The following DENND5B variants were observed in gnomAD, a reference collection of about 807,000 sequenced individuals.
The protein encoded by DENND5B is DENN domain-containing protein 5B.
A neutral mutation model predicts 140.6 loss-of-function variants in DENND5B; 34 were observed. The observed-to-expected ratio is 0.24, with a 90% CI of 0.18 to 0.32. The LOEUF is 0.32. DENND5B is among the 10% of genes least tolerant of loss of function. The pLI is 1.00. For missense variants in DENND5B, 1,142 were observed against 1,560.2 expected, an observed-to-expected ratio of 0.73 and a Z score of 4.52; for synonymous variants, 551 against 562.1, an observed-to-expected ratio of 0.98 and a Z score of 0.28.
intron 8 of DENND5B, among the ~76,000 whole-genome samples, chr12:31,430,671 A>G (rs1026229363): frequency 6.6e-5 from 10 of 152,070 alleles, no homozygotes; most frequent in Non-Finnish European, 7.4e-5. Flanking sequence ...AAAACAAACA[A>G]AAAATTAAGC....
chr12:31,467,218 G>T (rs554580243), intron 3 of DENND5B, among the ~76,000 whole-genome samples: 6 of 151,598 alleles, frequency 4.0e-5, no homozygotes, highest in African/African-American at 1.4e-4. Flanking sequence ...GACAAAATAA[G>T]ATCTAATAGA....
chr12:31,508,831 G>A (rs1947302673), intron 1 of DENND5B, among the ~76,000 whole-genome samples: 1 of 152,142 alleles, frequency 6.6e-6, no homozygotes, highest in African/African-American at 2.4e-5. Flanking sequence ...TATATCAGGA[G>A]GAGAACAATG....
rs754987570 is a variant in DENND5B, at chr12:31,426,338, G to A, written c.2193C>T (p.Thr731=). The change falls in exon 9 of 21, where the codon ACC becomes ACT. Residue 731 remains threonine (T), a synonymous_variant. Transcript: ENST00000389082. ...SDLSPAVIAQ[T]NCKFVEGLLK... is the part of the protein sequence containing the mutation. ...ATAAGCCTTCTACGAATTTACAGTT[G>A]GTCTGTGCAATAACTGCAGGAGAGA... The A allele has an allele frequency of 6.2e-7, 1 of 1,611,016 alleles. No homozygotes were observed. Among genetic ancestry groups the A allele is most frequent in the Non-Finnish European group, 8.5e-7 (1 of 1,178,536 alleles).
chr12:31,538,175 C>T (rs1948567513), intron 1 of DENND5B, among the ~76,000 whole-genome samples: 1 of 152,166 alleles, frequency 6.6e-6, no homozygotes, highest in African/African-American at 2.4e-5. Flanking sequence ...CTAATAGATA[C>T]ATACATAACA....
chr12:31,579,980 T>A (rs181087823), intron 1 of DENND5B, among the ~76,000 whole-genome samples: 70 of 147,634 alleles, frequency 4.7e-4, no homozygotes, highest in South Asian at 1.5e-3. Flanking sequence ...TATAAAAAAA[T>A]ATATATATAG....
chr12:31,521,649 G>T (rs957049318), intron 1 of DENND5B, among the ~76,000 whole-genome samples: 1 of 152,044 alleles, frequency 6.6e-6, no homozygotes, highest in African/African-American at 2.4e-5. Context: ...TATATCTAGC[G>T]TCAACAAAGA....
intron 11 of DENND5B, 143 bp downstream of exon 11, chr12:31,423,454 T>C (rs1943113454): frequency 3.9e-6 from 3 of 767,662 alleles, no homozygotes; most frequent in Non-Finnish European, 6.2e-6. Context: ...AGTTAGTAAG[T>C]AATATTGCTC....
At chr12:31,582,015 G>A (rs1038195296) in intron 1 of DENND5B, among the ~76,000 whole-genome samples, 2 of 152,080 alleles carry the variant, frequency 1.3e-5, no homozygotes, top group African/African-American at 4.8e-5. Flanking sequence ...ACAATAGCGA[G>A]AACAAAAAAC....
At chr12:31,484,969 C>G (rs66520413) in intron 2 of DENND5B, among the ~76,000 whole-genome samples, 1 of 152,060 alleles carries the variant, frequency 6.6e-6, no homozygotes, top group East Asian at 1.9e-4. Context: ...GTGGCTGAAC[C>G]AAGAAGAAGC....
At chr12:31,433,303 T>C (rs1353028950) in intron 7 of DENND5B, 55 bp from the exon 8 acceptor site, 1 of 1,495,276 alleles carries the variant, frequency 6.7e-7, no homozygotes, top group Admixed American at 2.0e-5. Flanking sequence ...ATAGAAAGCA[T>C]TAACCATTCA....
At chr12:31,468,954 G>C (rs973510) in intron 3 of DENND5B, among the ~76,000 whole-genome samples, 2 of 152,010 alleles carry the variant, frequency 1.3e-5, no homozygotes, top group African/African-American at 2.4e-5. Context: ...AGAAAACAAG[G>C]AAATATTAAG....
intron 3 of DENND5B, among the ~76,000 whole-genome samples, chr12:31,477,027 G>T (rs1481190961): frequency 1.3e-5 from 2 of 152,020 alleles, no homozygotes; most frequent in Admixed American, 1.3e-4. Flanking sequence ...AGGAGTTCAA[G>T]ACCAGCCTGA....
chr12:31,568,134 A>G (rs1949693082), intron 1 of DENND5B, among the ~76,000 whole-genome samples: 1 of 152,222 alleles, frequency 6.6e-6, no homozygotes, highest in Non-Finnish European at 1.5e-5. Flanking sequence ...TAATGACACC[A>G]CAAGTGGAAA....
At chr12:31,419,434 G>A (rs1300078080) in intron 11 of DENND5B, among the ~76,000 whole-genome samples, 2 of 146,216 alleles carry the variant, frequency 1.4e-5, no homozygotes, top group African/African-American at 2.5e-5. Context: ...AAGAGCGAGC[G>A]AAACTCCATC....
chr12:31,533,923 T>C (rs1383087949), intron 1 of DENND5B, among the ~76,000 whole-genome samples: 1 of 151,806 alleles, frequency 6.6e-6, no homozygotes, highest in Non-Finnish European at 1.5e-5. Flanking sequence ...AAGATTCAAG[T>C]CACTAATATG....
Position 31,387,648 on chromosome 12 carries a change from G to A in DENND5B, c.3780C>T (p.Phe1260=). 6.2e-7 allele frequency: 1 copy of A among 1,614,050 alleles called. No individual in the cohort carries two copies. The highest frequency in any genetic ancestry group is 8.5e-7 in the Non-Finnish European group (1 of 1,179,896). The change falls in exon 21 of 21, where the codon TTC becomes TTT. Residue 1260 remains phenylalanine, a synonymous_variant. Transcript: ENST00000389082. The stretch of plus-strand genomic sequence containing the variant: ...TGAGTGATCCTTCTAGGACTATGGT[G>A]AAGTCCTGAATGGTCTGCAGAATTC... ...LIRILQTIQD[F]TIVLEGSLIK...
At chr12:31,498,970 C>CT (rs1946893206) in intron 1 of DENND5B, among the ~76,000 whole-genome samples, 1 of 68,278 alleles carries the variant, frequency 1.5e-5, no homozygotes, top group Admixed American at 2.1e-4. Context: ...AAGGCTCCGT[C>CT]TCAAAAAAAA....
chr12:31,524,096 C>T (rs1320351041), intron 1 of DENND5B, among the ~76,000 whole-genome samples: 2 of 144,654 alleles, frequency 1.4e-5, no homozygotes, highest in Non-Finnish European at 3.0e-5. Flanking sequence ...GTGGCACAAT[C>T]CAAGTGGTGA....
chr12:31,547,587 G>A (rs1244771288), intron 1 of DENND5B, among the ~76,000 whole-genome samples: 1 of 151,942 alleles, frequency 6.6e-6, no homozygotes, highest in Non-Finnish European at 1.5e-5. Flanking sequence ...TAGTAGAGAT[G>A]GGGTTTCATC....
Sources: allele counts gnomAD v4.1 joint callset (sites outside exome capture counted in the v4.1 genomes callset), GRCh38; gene constraint gnomAD v4.1.1; transcripts MANE v1.5; gene names NCBI Gene and HGNC (gene_info 2026-07-23, HGNC 2026-07-21).